KCNQ5: variants seen among roughly 807,000 people sequenced by gnomAD.
KCNQ5 encodes the protein potassium voltage-gated channel subfamily KQT member 5.
Under a neutral mutation model 98.2 loss-of-function variants are expected in KCNQ5, and 30 were observed. The observed-to-expected ratio is 0.31, with a 90% CI of 0.23 to 0.41. The LOEUF (loss-of-function observed/expected upper bound fraction) is 0.41. Ranked by LOEUF, KCNQ5 falls within the 10% of genes least tolerant of loss-of-function variation. The pLI is 1.00. For synonymous variants in KCNQ5, 458 were observed against 449.4 expected, an observed-to-expected ratio of 1.02 and a Z score of -0.24; for missense variants, 835 against 1,182.5, an observed-to-expected ratio of 0.71 and a Z score of 4.31.
Position 72,830,604 on chromosome 6 carries a change from A to C in KCNQ5, c.399-173304A>C, listed in dbSNP as rs1189256285. ...TAATTCAAGATGGATTAAAGACTTA[A>C]ATGTTAGACCTAAAAACCATAAAAA... On this transcript the variant is annotated intron_variant, in intron 1 of 13. Coordinates refer to ENST00000370398, the MANE Select transcript of KCNQ5 (RefSeq NM_019842.4). Among the ~76,000 whole-genome samples the C allele has an allele frequency of 5.3e-5, 8 of 152,204 alleles. 1 individual carries two copies. Among genetic ancestry groups the C allele is most frequent in the East Asian group, 1.9e-4 (1 of 5,196 alleles).
chr6:73,012,159 T>G (rs1056238991), intron 2 of KCNQ5, among the ~76,000 whole-genome samples: 2 of 152,116 alleles, frequency 1.3e-5, no homozygotes, highest in Admixed American at 6.6e-5. Context: ...CAAAGAGATG[T>G]GTACACCCAT....
intron 10 of KCNQ5, among the ~76,000 whole-genome samples, chr6:73,167,443 A>C (rs1054283222): frequency 3.9e-5 from 6 of 152,184 alleles, no homozygotes; most frequent in Non-Finnish European, 8.8e-5. Flanking sequence ...ACTGGATTCT[A>C]ATGTCAGCCT....
chr6:73,138,806 G>A (rs1414511552), intron 10 of KCNQ5, among the ~76,000 whole-genome samples: 5 of 152,158 alleles, frequency 3.3e-5, no homozygotes, highest in African/African-American at 1.2e-4. Flanking sequence ...TTCCGATTGT[G>A]GGGGTCCCTC....
At chr6:72,934,995 T>C (rs1047064832) in intron 1 of KCNQ5, among the ~76,000 whole-genome samples, 1 of 151,894 alleles carries the variant, frequency 6.6e-6, no homozygotes, top group Non-Finnish European at 1.5e-5. Flanking sequence ...TGACACTCCC[T>C]TGCAATGAAT....
intron 1 of KCNQ5, among the ~76,000 whole-genome samples, chr6:72,932,826 T>C (rs370084834): frequency 2.6e-5 from 4 of 152,296 alleles, no homozygotes; most frequent in South Asian, 4.1e-4. Context: ...TTTTGAACTA[T>C]TATCACTTCA....
chr6:73,079,418 CAG>C (rs1350865169), intron 5 of KCNQ5, among the ~76,000 whole-genome samples: 1 of 152,152 alleles, frequency 6.6e-6, no homozygotes, highest in African/African-American at 2.4e-5. Context: ...TAGTGAAGCA[CAG>C]AGTTACCAAT....
intron 3 of KCNQ5, among the ~76,000 whole-genome samples, chr6:73,073,637 G>T (rs1318443093): frequency 6.6e-6 from 1 of 152,166 alleles, no homozygotes; most frequent in Non-Finnish European, 1.5e-5. Context: ...TCAGATGAAT[G>T]ATTGAATATT....
intron 9 of KCNQ5, 60 bp from the exon 10 acceptor site, chr6:73,133,361 A>G: frequency 6.9e-7 from 1 of 1,455,562 alleles, no homozygotes; most frequent in Non-Finnish European, 9.6e-7. Flanking sequence ...CAAATTACTT[A>G]CCCAAGCAAA....
intron 6 of KCNQ5, among the ~76,000 whole-genome samples, chr6:73,110,185 C>G (rs1256284712): frequency 6.6e-6 from 1 of 152,150 alleles, no homozygotes; most frequent in Admixed American, 6.6e-5. Flanking sequence ...AAATGTCCAT[C>G]TCTAACCAAA....
chr6:72,790,993 A>G (rs1199054356), intron 1 of KCNQ5, among the ~76,000 whole-genome samples: 2 of 152,186 alleles, frequency 1.3e-5, no homozygotes, highest in Non-Finnish European at 2.9e-5. Flanking sequence ...ATGGGGGGAA[A>G]TCATCAATAA....
At chr6:72,836,986 C>T (rs1191138027) in intron 1 of KCNQ5, among the ~76,000 whole-genome samples, 2 of 152,058 alleles carry the variant, frequency 1.3e-5, no homozygotes, top group Non-Finnish European at 2.9e-5. Context: ...ATTGTATTTC[C>T]TGCAAGTCTG....
At chr6:72,929,057 C>T (rs146861130) in intron 1 of KCNQ5, among the ~76,000 whole-genome samples, 6 of 152,208 alleles carry the variant, frequency 3.9e-5, no homozygotes, top group Non-Finnish European at 8.8e-5. Flanking sequence ...TTAATCAGTC[C>T]TATAAACCAT....
intron 3 of KCNQ5, chr6:73,055,433 A>C: frequency 6.5e-7 from 1 of 1,531,338 alleles, no homozygotes; most frequent in Non-Finnish European, 9.0e-7. Context: ...GAAGATCTGC[A>C]GGTGCTCCTA....
At chr6:73,157,548 T>C (rs1582460467) in intron 10 of KCNQ5, 1 of 748,042 alleles carries the variant, frequency 1.3e-6, no homozygotes, top group East Asian at 2.5e-5. Context: ...CCATCCTTGC[T>C]GGGTGGTGTC....
intron 1 of KCNQ5, among the ~76,000 whole-genome samples, chr6:72,975,931 G>T (rs921337740): frequency 6.6e-6 from 1 of 152,166 alleles, no homozygotes; most frequent in Non-Finnish European, 1.5e-5. Context: ...ATGTGAATGC[G>T]CTCAGAAAGC....
intron 2 of KCNQ5, among the ~76,000 whole-genome samples, chr6:73,029,904 C>CAAAAAAAAAAAAAAAAAAAAAAA (rs56804434): frequency 1.3e-5 from 1 of 78,656 alleles, no homozygotes; most frequent in Non-Finnish European, 2.3e-5. Flanking sequence ...GACTCCGTCT[C>CAAAAAAAAAAAAAAAAAAAAAAA]AAAAAAAAAA....
At chr6:73,050,514 G>A (rs930404507) in intron 3 of KCNQ5, among the ~76,000 whole-genome samples, 4 of 151,952 alleles carry the variant, frequency 2.6e-5, no homozygotes, top group Non-Finnish European at 4.4e-5. Context: ...TTTTACCTAC[G>A]TATACTGCAA....
At chr6:72,777,113 A>G (rs1464313572) in intron 1 of KCNQ5, among the ~76,000 whole-genome samples, 2 of 152,216 alleles carry the variant, frequency 1.3e-5, no homozygotes, top group Admixed American at 1.3e-4. Context: ...GATGAAACCA[A>G]CAATGCTAGA....
chr6:72,814,471 C>T (rs1476939280), intron 1 of KCNQ5, among the ~76,000 whole-genome samples: 1 of 152,182 alleles, frequency 6.6e-6, no homozygotes, highest in Non-Finnish European at 1.5e-5. Context: ...ATATAAAATA[C>T]TCTAGCTCAC....
Sources: gnomAD v4.1 joint callset for allele counts (sites outside exome capture counted in the v4.1 genomes callset) on GRCh38, gnomAD v4.1.1 for gene constraint, MANE v1.5 for transcripts, NCBI Gene and HGNC (gene_info 2026-07-23, HGNC 2026-07-21) for gene names.